The following IDUA variants were observed in gnomAD, a reference collection of about 807,000 sequenced individuals.
IDUA encodes the protein alpha-L-iduronidase.
In IDUA, 65 loss-of-function variants were observed where a neutral mutation model predicts 68.9. The ratio of observed to expected loss-of-function variants is 0.94; its 90% CI spans 0.77 to 1.16. The LOEUF is 1.16. Ranked by LOEUF, IDUA falls within the 50% of genes most tolerant of loss-of-function variation. The probability of loss-of-function intolerance (pLI) is 0.00; values close to 1 mark genes in which losing one functional copy is unlikely to be tolerated. For missense variants in IDUA, 1,046 were observed against 938.0 expected (o/e 1.12, Z -1.50); for synonymous variants, 529 against 433.6 (o/e 1.22, Z -2.73).
At chr4:996,538 T>C (rs1714752593) in intron 2 of IDUA, among the ~76,000 whole-genome samples, 1 of 152,160 alleles carries the variant, frequency 6.6e-6, no homozygotes, top group Non-Finnish European at 1.5e-5. Flanking sequence ...TATGGGGACC[T>C]GTGGTGAGGT....
At chr4:997,491 A>C (rs898388459) in intron 2 of IDUA, among the ~76,000 whole-genome samples, 3 of 151,048 alleles carry the variant, frequency 2.0e-5, no homozygotes, top group Admixed American at 1.3e-4. Context: ...GCTCGGGCCC[A>C]GGGGCGGGGA....
chr4:987,649 T>C (rs1257480716), intron 1 of IDUA, 160 bp from the exon 2 acceptor site: 24 of 1,455,526 alleles, frequency 1.6e-5, no homozygotes, highest in Non-Finnish European at 2.0e-5. Flanking sequence ...AGATGGGACC[T>C]CCCCACATTC....
At chr4:991,400 G>A in intron 2 of IDUA, 1 of 1,612,844 alleles carries the variant, frequency 6.2e-7, no homozygotes, top group East Asian at 2.2e-5. Context: ...GACGTATAGA[G>A]GCTGTAGATG....
chr4:989,154 C>G (rs148200047), intron 2 of IDUA: 1 of 1,607,656 alleles, frequency 6.2e-7, no homozygotes, highest in African/African-American at 1.3e-5. Context: ...TGGTGCTAAC[C>G]GGGCCCAGGT....
chr4:1,001,188 G>T (rs1029438840), intron 4 of IDUA, 199 bp downstream of exon 4: 21 of 618,922 alleles, frequency 3.4e-5, no homozygotes, highest in Non-Finnish European at 5.4e-5. Context: ...GGTACTCCTG[G>T]GCTTGGTGGG....
At chr4:995,229 G>A (rs1481177526) in intron 2 of IDUA, among the ~76,000 whole-genome samples, 1 of 151,912 alleles carries the variant, frequency 6.6e-6, no homozygotes, top group African/African-American at 2.4e-5. Context: ...ATTTTTAGTA[G>A]AGACAGGGTT....
intron 2 of IDUA, chr4:992,150 G>A (rs957589532): frequency 3.8e-5 from 18 of 471,658 alleles, no homozygotes; most frequent in Middle Eastern, 3.2e-4. Flanking sequence ...TGTGCCTACC[G>A]TCAGAATGTC....
Position 987,811 on chromosome 4 carries a change from C to T in IDUA, c.161C>T (p.Pro54Leu), listed in dbSNP as rs2153015595. Residue 54 changes from proline to leucine, a missense_variant and splice_region_variant, in exon 2 of 14, where the codon CCC becomes CTC. Physicochemically the swap from Pro to Leu is moderately conservative, Grantham distance 98. Transcript: ENST00000514224. Reference sequence around the variant, plus strand: ...AGCCGCCCCTTTGTTGTCCCCAGCCCCCCGCTGCCACACAGCCAGGCTGAC... The same window carrying T: ...AGCCGCCCCTTTGTTGTCCCCAGCCTCCCGCTGCCACACAGCCAGGCTGAC... ...RRFWRSTGFC[P>L]PLPHSQADQY... 1 of 1,612,366 alleles carries T rather than the reference C, an allele frequency of 6.2e-7. No homozygotes were observed. The highest frequency in any genetic ancestry group is 8.5e-7 in the Non-Finnish European group (1 of 1,179,854).
rs756823579 is a variant in IDUA, at chr4:990,212, C to G, written c.299+2263C>G. 1 of 1,564,154 alleles carries G rather than the reference C, an allele frequency of 6.4e-7. No individual in the cohort carries two copies. Among genetic ancestry groups the G allele is most frequent in the Admixed American group, 1.9e-5 (1 of 51,848 alleles). On this transcript the variant is annotated intron_variant, in intron 2 of 13. Transcript: ENST00000514224. ...CTCAGCCATGTGAGGACCACCATGC[C>G]GGGCCCCTGGTGCCGCGGGATCCGC...
rs1432020531 is a variant in IDUA, at chr4:1,002,505, G to A, written c.1189+20G>A. 1 of 1,509,050 alleles carries A rather than the reference G, an allele frequency of 6.6e-7. No individual in the cohort carries two copies. Among genetic ancestry groups the A allele is most frequent in the Non-Finnish European group, 8.8e-7 (1 of 1,130,758 alleles). The allele number at this position is 1,509,050 out of a possible 1,614,324, so 93.5% of individuals were successfully genotyped here. On this transcript the variant is annotated intron_variant, in intron 8 of 13. Transcript: ENST00000514224. ...TGCTGGGTGAGCCGGGGCCGCTGGGGTGGGCCGGCCAGGGCCCTCCAGGCT... is the reference window on the plus strand; with the variant it reads ...TGCTGGGTGAGCCGGGGCCGCTGGGATGGGCCGGCCAGGGCCCTCCAGGCT...
chr4:1,000,563 TG>T, intron 2 of IDUA, 48 bp from the exon 3 acceptor site: 1 of 1,408,520 alleles, frequency 7.1e-7, no homozygotes, highest in Non-Finnish European at 1.0e-6. Flanking sequence ...GCCTGGAGCA[TG>T]GAGCTGTGTG....
intron 2 of IDUA, chr4:988,501 C>T (rs779104842): frequency 2.1e-5 from 24 of 1,145,422 alleles, no homozygotes; most frequent in East Asian, 4.9e-5. Flanking sequence ...TGCATGATGG[C>T]GGGGGACCCT....
rs369163740 is a variant in IDUA at position 990,300 on chromosome 4, A to G, written c.299+2351A>G. ...TCACGGAGGCCCCCATGGCAAAGCC[A>G]TCGAGCAGTGGCTGTGAGAGGTAGG... is the stretch of plus-strand genomic sequence containing the variant. On this transcript the variant is annotated intron_variant, in intron 2 of 13. Transcript: ENST00000514224. 2,415 of 1,604,820 alleles carry G rather than the reference A, an allele frequency of 1.5e-3. 60 individuals are homozygous for G. The South Asian group carries it at 0.026, about 17-fold the overall frequency.
chr4:1,001,384 C>T (rs1316865581), intron 4 of IDUA, 84 bp from the exon 5 acceptor site: 6 of 1,149,328 alleles, frequency 5.2e-6, no homozygotes, highest in Middle Eastern at 1.9e-4. Context: ...GTCAGACGCC[C>T]TTCATCACCT....
chr4:987,686 C>T, intron 1 of IDUA, 123 bp from the exon 2 acceptor site: 2 of 1,516,624 alleles, frequency 1.3e-6, no homozygotes, highest in Non-Finnish European at 1.8e-6. Context: ...TTTTATTAGT[C>T]ACTGAACGCA....
chr4:994,469 G>A (rs1410691658), intron 2 of IDUA, among the ~76,000 whole-genome samples: 6 of 150,270 alleles, frequency 4.0e-5, no homozygotes, highest in Admixed American at 2.6e-4. Context: ...ACGGAGTTTC[G>A]CTCTGTTGCC....
intron 2 of IDUA, chr4:991,169 G>T (rs370208644): frequency 6.4e-7 from 1 of 1,567,634 alleles, no homozygotes; most frequent in South Asian, 1.2e-5. Context: ...GTGGCGACAC[G>T]GATGGCGTAG....
At chr4:995,537 G>C (rs554781309) in intron 2 of IDUA, among the ~76,000 whole-genome samples, 1 of 152,194 alleles carries the variant, frequency 6.6e-6, no homozygotes, top group Non-Finnish European at 1.5e-5. Context: ...GGTGGGGCTG[G>C]AAGGCCAACC....
At position 1,001,749 on chromosome 4, in the gene IDUA, C is replaced by T. The variant is rs770283755; in HGVS notation, c.660C>T (p.Gly220=). 1 of 1,597,190 alleles carries T rather than the reference C, an allele frequency of 6.3e-7. No homozygotes were observed. Among genetic ancestry groups the T allele is most frequent in the Non-Finnish European group, 8.5e-7 (1 of 1,177,284 alleles). The change falls in exon 6 of 14, where the codon GGC becomes GGT. Residue 220 remains glycine, a synonymous_variant. Transcript: ENST00000514224. The part of the protein sequence containing the change: ...RAASPALRLG[G]PGDSFHTPPR... ...CCAGCCCCGCCCTGCGGCTGGGAGG[C>T]CCCGGCGACTCCTTCCACACCCCAC...
Sources: gnomAD v4.1 joint callset for allele counts (sites outside exome capture counted in the v4.1 genomes callset) on GRCh38, gnomAD v4.1.1 for gene constraint, MANE v1.5 for transcripts, NCBI Gene and HGNC (gene_info 2026-07-23, HGNC 2026-07-21) for gene names.